POLA2: variants seen among roughly 807,000 people sequenced by gnomAD.
POLA2 encodes the protein DNA polymerase alpha subunit B.
POLA2 carries 47 observed loss-of-function variants against 82.8 expected under a neutral mutation model. The observed-to-expected ratio is 0.57, with a 90% CI of 0.45 to 0.72. The LOEUF is 0.72. Among genes scored for constraint, POLA2 ranks in the 30% least tolerant of loss-of-function variants. The pLI is 0.00. For missense variants in POLA2, 634 were observed against 728.1 expected (o/e 0.87, Z 1.49); for synonymous variants, 287 against 286.8 (o/e 1.00, Z -0.01).
intron 4 of POLA2, among the ~76,000 whole-genome samples, chr11:65,269,751 T>G (rs1361935646): frequency 6.6e-6 from 1 of 152,238 alleles, no homozygotes; most frequent in East Asian, 1.9e-4. Flanking sequence ...CCTTAATTAT[T>G]CAAAGTAAAC....
In POLA2 at chr11:65,278,730, T is replaced by C. The variant is rs752742135; in HGVS notation, c.462T>C (p.Ser154=). The C allele has an allele frequency of 2.5e-6, 4 of 1,612,722 alleles. No homozygotes were observed. The highest frequency in any genetic ancestry group is 3.4e-6 in the Non-Finnish European group (4 of 1,179,390). The change falls in exon 6 of 18, where the codon AGT becomes AGC. Residue 154 remains serine (S), a splice_region_variant and synonymous_variant. Transcript: ENST00000265465. ...QLLSPSSFSP[S]ATPSQKYNSR... The stretch of plus-strand genomic sequence containing the variant: ...ATTAACCTGTTTTGCTTCCAATTAG[T>C]GCTACTCCCTCCCAGAAATACAACT...
intron 13 of POLA2, among the ~76,000 whole-genome samples, chr11:65,291,158 G>A (rs865988848): frequency 6.6e-6 from 1 of 151,998 alleles, no homozygotes. Context: ...TGGTATAGGT[G>A]GTAGATCTCC....
At chr11:65,276,784 C>T (rs981127049) in intron 5 of POLA2, among the ~76,000 whole-genome samples, 1 of 150,718 alleles carries the variant, frequency 6.6e-6, no homozygotes, top group African/African-American at 2.4e-5. Flanking sequence ...TTGTTCAACT[C>T]TATCACTTTT....
Position 65,262,051 on chromosome 11 carries a change from C to G in POLA2, c.-242C>G. The G allele has an allele frequency of 1.8e-6, 1 of 557,446 alleles. No individual in the cohort carries two copies. The highest frequency in any genetic ancestry group is 3.2e-6 in the Non-Finnish European group (1 of 314,754). 34.5% of individuals were successfully genotyped at this position (557,446 alleles called of 1,614,324 possible). A position where few individuals can be genotyped will look rare whatever the true frequency, so the allele number is the denominator to read the frequency against. Reference sequence around the variant, plus strand: ...AGAGCGTCCTCTCGAGATTTCTGCTCCCTCCATTCAGGGCGTTTGGGAGCC... The same window carrying G: ...AGAGCGTCCTCTCGAGATTTCTGCTGCCTCCATTCAGGGCGTTTGGGAGCC... On this transcript the variant is annotated 5_prime_UTR_variant, in exon 1 of 18. Transcript: ENST00000265465.
intron 11 of POLA2, 57 bp from the exon 12 acceptor site, chr11:65,288,993 C>G (rs1229899741): frequency 6.5e-7 from 1 of 1,527,558 alleles, no homozygotes; most frequent in African/African-American, 1.4e-5. Context: ...TGAAGTCATT[C>G]ACAGACACAA....
intron 10 of POLA2, among the ~76,000 whole-genome samples, chr11:65,283,840 A>G (rs1949666474): frequency 6.6e-6 from 1 of 152,132 alleles, no homozygotes; most frequent in African/African-American, 2.4e-5. Flanking sequence ...GGCAAAAAGA[A>G]AGTTTGACAA....
At chr11:65,292,066 C>T (rs1393826347) in intron 13 of POLA2, among the ~76,000 whole-genome samples, 2 of 152,198 alleles carry the variant, frequency 1.3e-5, no homozygotes, top group Non-Finnish European at 2.9e-5. Context: ...CGGCGAAACC[C>T]CATCTCTACT....
chr11:65,302,022 C>T (rs188504047), downstream of POLA2, among the ~76,000 whole-genome samples: 2 of 152,304 alleles, frequency 1.3e-5, no homozygotes, highest in African/African-American at 2.4e-5. Flanking sequence ...CCTCCCCACC[C>T]AGAGCCTGCC....
At chr11:65,287,253 T>A (rs1368889558) in intron 10 of POLA2, among the ~76,000 whole-genome samples, 1 of 151,892 alleles carries the variant, frequency 6.6e-6, no homozygotes, top group Non-Finnish European at 1.5e-5. Flanking sequence ...CCCGTTCCAG[T>A]CTCCCATTCC....
Position 65,289,091 on chromosome 11 carries a change from G to C in POLA2, c.1170+3G>C, listed in dbSNP as rs1415696100. 2 of 1,610,408 alleles carry C rather than the reference G, an allele frequency of 1.2e-6. No homozygotes were observed. The highest frequency in any genetic ancestry group is 1.7e-6 in the Non-Finnish European group (2 of 1,177,404). ...ATGCTAAGCATGAACAGGTGGAGGT[G>C]AGTGGGCTGGGGTGGGAAGGGGTCC... On this transcript the variant is annotated splice_donor_region_variant and intron_variant, in intron 12 of 17. Transcript: ENST00000265465.
chr11:65,281,349 G>A (rs1345941306), intron 8 of POLA2, among the ~76,000 whole-genome samples: 2 of 152,126 alleles, frequency 1.3e-5, no homozygotes, highest in Non-Finnish European at 2.9e-5. Context: ...TGACTGCGCA[G>A]CCTCAAATCC....
Position 65,280,934 on chromosome 11 carries a change from G to T in POLA2, c.745-58G>T, listed in dbSNP as rs1590900852. Reference sequence around the variant, plus strand: ...TTTGCTATTCACCCTATCGACTTCAGATTTTGAGCTCCTGCTCCAAAGACT... The same window carrying T: ...TTTGCTATTCACCCTATCGACTTCATATTTTGAGCTCCTGCTCCAAAGACT... On this transcript the variant is annotated intron_variant, in intron 7 of 17. Coordinates refer to ENST00000265465, the MANE Select transcript of POLA2 (RefSeq NM_002689.4). The T allele has an allele frequency of 5.1e-6, 8 of 1,569,010 alleles. No individual in the cohort carries two copies. In the East Asian group the frequency reaches 1.6e-4, roughly 31 times the overall value.
intron 4 of POLA2, 78 bp downstream of exon 4, chr11:65,268,807 G>GA (rs1167095126): frequency 1.6e-5 from 15 of 950,556 alleles, no homozygotes; most frequent in Non-Finnish European, 2.1e-5. Flanking sequence ...AGATCTGAGG[G>GA]AAAAAATCAA....
intron 4 of POLA2, among the ~76,000 whole-genome samples, chr11:65,271,782 T>C (rs1264550572): frequency 7.0e-6 from 1 of 142,798 alleles, no homozygotes; most frequent in African/African-American, 2.7e-5. Flanking sequence ...GAAGTTGCAG[T>C]GAGCCAAGAT....
Position 65,280,994 on chromosome 11 carries a change from G to C in POLA2, c.747G>C (p.Glu249Asp), listed in dbSNP as rs753418850. ...AFTPLLAPAQEPVTLLGQIGC... is the reference protein window; with the variant it reads ...AFTPLLAPAQDPVTLLGQIGC... ...ATGCTGTGACCTTCCTTTGGTAGGA[G>C]CCTGTCACTCTGCTGGGCCAGATTG... The change falls in exon 8 of 18, where the codon GAG becomes GAC. Residue 249 changes from glutamate to aspartate, a missense_variant and splice_region_variant. Coordinates refer to ENST00000265465, the MANE Select transcript of POLA2 (RefSeq NM_002689.4). 1 of 1,613,592 alleles carries C rather than the reference G, an allele frequency of 6.2e-7. No individual in the cohort carries two copies. The highest frequency in any genetic ancestry group is 8.5e-7 in the Non-Finnish European group (1 of 1,179,948).
chr11:65,269,571 G>C (rs1009412282), intron 4 of POLA2, among the ~76,000 whole-genome samples: 1 of 152,168 alleles, frequency 6.6e-6, no homozygotes, highest in African/African-American at 2.4e-5. Context: ...GACATGGATG[G>C]GCTCTGCCCT....
intron 7 of POLA2, 57 bp downstream of exon 7, chr11:65,279,683 C>A: frequency 1.7e-6 from 2 of 1,148,150 alleles, no homozygotes; most frequent in Non-Finnish European, 2.6e-6. Flanking sequence ...AATCGATGAC[C>A]AAGAGGCATC....
intron 10 of POLA2, among the ~76,000 whole-genome samples, chr11:65,285,582 AAAAAAAAAGAAAAAG>A (rs995381899): frequency 7.9e-5 from 12 of 151,808 alleles, no homozygotes; most frequent in Non-Finnish European, 1.2e-4. Context: ...CTCAAAAAAA[AAAAAAAAAGAAAAAG>A]AAAAAAAAGA....
rs74753627 is a variant in POLA2 at position 65,281,870 on chromosome 11, C to T, written c.963+138C>T. 1,154 of 708,810 alleles carry T rather than the reference C, an allele frequency of 1.6e-3. 12 individuals carry two copies. In the African/African-American group the frequency reaches 0.019, roughly 12 times the overall value. The allele number at this position is 708,810 out of a possible 1,614,324, so 43.9% of individuals were successfully genotyped here. On this transcript the variant is annotated intron_variant, in intron 9 of 17. Transcript: ENST00000265465. ...TTCTCCATCTGTAAGTGGGAACCCA[C>T]CCCTAGGCCAGGGGTCAGCAAACCC...
Sources: gnomAD v4.1 joint callset for allele counts (sites outside exome capture counted in the v4.1 genomes callset) on GRCh38, gnomAD v4.1.1 for gene constraint, MANE v1.5 for transcripts, NCBI Gene and HGNC (gene_info 2026-07-23, HGNC 2026-07-21) for gene names.